The following ADAMTS18 variants were observed in gnomAD, a reference collection of about 807,000 sequenced individuals.
The protein encoded by ADAMTS18 is A disintegrin and metalloproteinase with thrombospondin motifs 18.
ADAMTS18 carries 157 observed loss-of-function variants against 165.9 expected under a neutral mutation model. The observed-to-expected ratio is 0.95, with a 90% confidence interval of 0.83 to 1.08. The LOEUF (loss-of-function observed/expected upper bound fraction) is 1.08, where lower values mean the gene tolerates loss of function less well. ADAMTS18 is among the 50% of genes least tolerant of loss of function. ADAMTS18 has a pLI of 0.00. For missense variants in ADAMTS18, 2,040 were observed against 1,534.0 expected (o/e 1.33, Z -5.51); for synonymous variants, 782 against 578.2 (o/e 1.35, Z -5.06).
chr16:77,351,515 C>T (rs937207117), intron 10 of ADAMTS18, among the ~76,000 whole-genome samples: 2 of 152,270 alleles, frequency 1.3e-5, no homozygotes, highest in East Asian at 3.9e-4. Context: ...ATTTTAGGAA[C>T]CTCCTTTGTA....
chr16:77,369,643 T>A (rs551004508), intron 3 of ADAMTS18, among the ~76,000 whole-genome samples: 1 of 152,312 alleles, frequency 6.6e-6, no homozygotes, highest in South Asian at 2.1e-4. Context: ...CCAGATGGCT[T>A]CCCTGATGAT....
chr16:77,425,167 C>G (rs2057655529), intron 3 of ADAMTS18, among the ~76,000 whole-genome samples: 1 of 152,174 alleles, frequency 6.6e-6, no homozygotes, highest in Admixed American at 6.5e-5. Flanking sequence ...CAGTCATAGT[C>G]TAAAAAAGGC....
intron 11 of ADAMTS18, among the ~76,000 whole-genome samples, chr16:77,337,908 CTTT>C (rs10679600): frequency 1.4e-5 from 2 of 140,832 alleles, no homozygotes. Context: ...CTTTTCTTTT[CTTT>C]TTTTTTTTTT....
intron 16 of ADAMTS18, among the ~76,000 whole-genome samples, chr16:77,318,864 G>A (rs2055934523): frequency 6.6e-6 from 1 of 152,076 alleles, no homozygotes; most frequent in African/African-American, 2.4e-5. Context: ...AGAGTAGCTG[G>A]ATATGCAAGT....
At chr16:77,430,173 C>CA (rs1555529677) in intron 3 of ADAMTS18, among the ~76,000 whole-genome samples, 1 of 151,592 alleles carries the variant, frequency 6.6e-6, no homozygotes, top group Non-Finnish European at 1.5e-5. Flanking sequence ...AACAAACAAA[C>CA]AAAAAAACAA....
At position 77,295,046 on chromosome 16, in the gene ADAMTS18, C is replaced by T. The variant is rs1567459270; in HGVS notation, c.2883G>A (p.Lys961=). The T allele has an allele frequency of 6.2e-7, 1 of 1,614,182 alleles. No individual in the cohort carries two copies. The highest frequency in any genetic ancestry group is 2.2e-5 in the East Asian group (1 of 44,870). ...QQSRKIQCVQ[K]KPFQKEEAVL... is the part of the protein sequence containing the mutation. ...CTGCTTCCTCCTTTTGGAAGGGCTT[C>T]TTTTGCACACACTGGATCTTTCGGC... The change falls in exon 19 of 23, where the codon AAG becomes AAA. Residue 961 remains lysine, a synonymous_variant. Coordinates refer to ENST00000282849, the MANE Select transcript of ADAMTS18 (RefSeq NM_199355.4).
At chr16:77,363,781 T>A (rs568428316) in intron 6 of ADAMTS18, 21 bp downstream of exon 6, 3 of 1,607,340 alleles carry the variant, frequency 1.9e-6, no homozygotes, top group Admixed American at 3.3e-5. Context: ...AATGAAGACA[T>A]AAATGAAGTT....
chr16:77,335,723 C>A, intron 12 of ADAMTS18, 33 bp downstream of exon 12: 1 of 1,614,038 alleles, frequency 6.2e-7, no homozygotes, highest in Non-Finnish European at 8.5e-7. Context: ...AGGTTAAGGC[C>A]TTGCAAAGAC....
chr16:77,359,794 C>G (rs1447356350), intron 7 of ADAMTS18, among the ~76,000 whole-genome samples: 1 of 152,090 alleles, frequency 6.6e-6, no homozygotes, highest in Non-Finnish European at 1.5e-5. Flanking sequence ...GATAGCAAAA[C>G]CAATGCAAAA....
chr16:77,344,112 T>C (rs1290491163), intron 10 of ADAMTS18, among the ~76,000 whole-genome samples: 1 of 147,508 alleles, frequency 6.8e-6, no homozygotes, highest in East Asian at 2.0e-4. Context: ...CAGATGTATA[T>C]ATATATATGT....
At chr16:77,350,289 T>G (rs577682711) in intron 10 of ADAMTS18, among the ~76,000 whole-genome samples, 5 of 152,042 alleles carry the variant, frequency 3.3e-5, no homozygotes, top group African/African-American at 1.2e-4. Context: ...AAACTCGTGG[T>G]TGGGAAAGGA....
chr16:77,402,475 G>C lies in ADAMTS18; in HGVS notation c.495+28820C>G, dbSNP rs201558288. On this transcript the variant is annotated intron_variant, in intron 3 of 22. Coordinates refer to ENST00000282849, the MANE Select transcript of ADAMTS18 (RefSeq NM_199355.4). ...CCAGGCTCCTGCAAATCCCTGGGTG[G>C]GGCCTGGAGCATTTGAGGTTGAGAA... Among the ~76,000 whole-genome samples the C allele has an allele frequency of 2.0e-5, 3 of 152,222 alleles. No homozygotes were observed. In the East Asian group the frequency reaches 5.8e-4, roughly 29 times the overall value.
chr16:77,376,738 A>G (rs576854533), intron 3 of ADAMTS18, among the ~76,000 whole-genome samples: 18 of 152,148 alleles, frequency 1.2e-4, no homozygotes, highest in African/African-American at 4.3e-4. Context: ...ATTCTTTAAA[A>G]TGAGAAAAAA....
chr16:77,316,781 T>C (rs1047480861), intron 16 of ADAMTS18, among the ~76,000 whole-genome samples: 29 of 152,250 alleles, frequency 1.9e-4, no homozygotes, highest in African/African-American at 6.5e-4. Context: ...ATGATTCTCC[T>C]GCCTCATCCT....
In ADAMTS18 at chr16:77,284,404, A is replaced by T. The variant is rs1350271611; in HGVS notation, c.3551-333T>A. 2.6e-5 allele frequency among the ~76,000 whole-genome samples: 4 copies of T among 152,254 alleles called. No individual in the cohort carries two copies. In the East Asian group the frequency reaches 7.7e-4, roughly 29 times the overall value. ...CGGCCTCCCAAAGTACTGGGATTACAGGTGTGATCCACCGGGCCCAGCCTT... is the reference window on the plus strand; with the variant it reads ...CGGCCTCCCAAAGTACTGGGATTACTGGTGTGATCCACCGGGCCCAGCCTT... On this transcript the variant is annotated intron_variant, in intron 22 of 22. Coordinates refer to ENST00000282849, the MANE Select transcript of ADAMTS18 (RefSeq NM_199355.4).
chr16:77,433,379 A>G (rs942286525), intron 2 of ADAMTS18: 1 of 152,294 alleles, frequency 6.6e-6, no homozygotes, highest in African/African-American at 2.4e-5. Flanking sequence ...AGGGGAGAAT[A>G]ACAGGCTGTC....
intron 16 of ADAMTS18, among the ~76,000 whole-genome samples, chr16:77,305,291 C>T (rs938364567): frequency 6.6e-5 from 10 of 152,016 alleles, no homozygotes; most frequent in African/African-American, 2.2e-4. Flanking sequence ...ATACTTAAAC[C>T]TTTGGAGATT....
intron 3 of ADAMTS18, among the ~76,000 whole-genome samples, chr16:77,427,684 C>T (rs921127281): frequency 6.6e-6 from 1 of 152,184 alleles, no homozygotes; most frequent in Non-Finnish European, 1.5e-5. Flanking sequence ...TAACAGTAGG[C>T]AGTTTTTACT....
intron 3 of ADAMTS18, among the ~76,000 whole-genome samples, chr16:77,377,413 T>C (rs1474121370): frequency 6.6e-6 from 1 of 152,228 alleles, no homozygotes; most frequent in Non-Finnish European, 1.5e-5. Flanking sequence ...AAGTGATTTG[T>C]ATCCCACTAT....
Sources: allele counts gnomAD v4.1 joint callset (sites outside exome capture counted in the v4.1 genomes callset), GRCh38; gene constraint gnomAD v4.1.1; transcripts MANE v1.5; gene names NCBI Gene and HGNC (gene_info 2026-07-23, HGNC 2026-07-21).